The following DPP9 variants were observed in gnomAD, a reference collection of about 807,000 sequenced individuals.
The protein encoded by DPP9 is dipeptidyl peptidase 9.
A neutral mutation model predicts 110.7 loss-of-function variants in DPP9; 50 were observed. The observed-to-expected ratio is 0.45, with a 90% confidence interval of 0.36 to 0.57. The LOEUF is 0.57. Ranked by LOEUF, DPP9 falls within the 20% of genes least tolerant of loss-of-function variation. DPP9 has a pLI of 0.00. For missense variants in DPP9, 1,022 were observed against 1,217.9 expected (o/e 0.84, Z 2.39); for synonymous variants, 561 against 514.4 (o/e 1.09, Z -1.23).
intron 2 of DPP9, among the ~76,000 whole-genome samples, chr19:4,721,351 T>C (rs1371330422): frequency 6.6e-6 from 1 of 152,184 alleles, no homozygotes; most frequent in Non-Finnish European, 1.5e-5. Flanking sequence ...TCAACAAACA[T>C]TTCAGGTTGA....
At chr19:4,719,482 T>G in intron 3 of DPP9, 1 of 278,380 alleles carries the variant, frequency 3.6e-6, no homozygotes, top group South Asian at 5.4e-5. Context: ...AGATCAGCAG[T>G]TCTTACCCAG....
At chr19:4,708,287 T>A (rs946534409) in intron 4 of DPP9, among the ~76,000 whole-genome samples, 2 of 152,212 alleles carry the variant, frequency 1.3e-5, no homozygotes, top group Admixed American at 1.3e-4. Flanking sequence ...GCCTTTTCTC[T>A]GATGCCCATT....
At chr19:4,680,592 G>A (rs1260230629) in intron 20 of DPP9, among the ~76,000 whole-genome samples, 2 of 149,916 alleles carry the variant, frequency 1.3e-5, no homozygotes, top group Non-Finnish European at 3.0e-5. Flanking sequence ...GCACACCTGT[G>A]GTCCCAGCTG....
rs142941937 is a variant in DPP9 at position 4,679,563 on chromosome 19, GC to G, written c.2586+271del. 6.7e-3 allele frequency: 3,201 copies of G among 477,712 alleles called. 78 individuals carry two copies. Among genetic ancestry groups the G allele is most frequent in the African/African-American group, 0.057 (2,901 of 51,166 alleles). 29.6% of individuals were successfully genotyped at this position (477,712 alleles called of 1,614,324 possible). A position where few individuals can be genotyped will look rare whatever the true frequency, so the allele number is the denominator to read the frequency against. On this transcript the variant is annotated intron_variant, in intron 21 of 21. Coordinates refer to ENST00000262960, the MANE Select transcript of DPP9 (RefSeq NM_139159.5). ...CGGTAAGGGTTCCTCCCTCCATTAG[GC>G]CCGGAGCAGGGGTGGGTGTGGCAGC...
chr19:4,712,041 C>G (rs1344545920), intron 4 of DPP9, among the ~76,000 whole-genome samples: 1 of 152,144 alleles, frequency 6.6e-6, no homozygotes, highest in Non-Finnish European at 1.5e-5. Flanking sequence ...ATGGCAGCCA[C>G]AGAAAACTCC....
chr19:4,685,023 G>A lies in DPP9; in HGVS notation c.2032-214C>T, dbSNP rs1474843479. On this transcript the variant is annotated intron_variant, in intron 17 of 21. Transcript: ENST00000262960. The surrounding 1 kb of genome is among the most constrained non-coding windows in gnomAD (Gnocchi z 5.8). ...CTGCTAGGGAGGGGGAAGGGCCACT[G>A]TCAGGCTCTTTCTCAGCTGGGCCAC... 1 of 694,074 alleles carries A rather than the reference G, an allele frequency of 1.4e-6. No homozygotes were observed. The highest frequency in any genetic ancestry group is 2.6e-6 in the Non-Finnish European group (1 of 383,072). 43.0% of individuals were successfully genotyped at this position (694,074 alleles called of 1,614,324 possible). A position where few individuals can be genotyped will look rare whatever the true frequency, so the allele number is the denominator to read the frequency against.
intron 5 of DPP9, among the ~76,000 whole-genome samples, chr19:4,705,440 T>C (rs945417454): frequency 6.6e-6 from 1 of 152,216 alleles, no homozygotes; most frequent in Non-Finnish European, 1.5e-5. Flanking sequence ...CAGTCTGGTC[T>C]CAAATTCTTG....
chr19:4,701,987 A>G, intron 9 of DPP9, 40 bp downstream of exon 9: 1 of 1,599,184 alleles, frequency 6.3e-7, no homozygotes, highest in Non-Finnish European at 8.5e-7. Flanking sequence ...CAGGGGCCTC[A>G]GATCCCCGGC....
Position 4,677,462 on chromosome 19 carries a change from C to T in DPP9, c.2587-806G>A, listed in dbSNP as rs116854925. ...AGATGGGTTTCTGAATCATCCCCTC[C>T]TCTCCAGGCTCCTGGTCCCCACTGT... On this transcript the variant is annotated intron_variant, in intron 21 of 21. Coordinates refer to ENST00000262960, the MANE Select transcript of DPP9 (RefSeq NM_139159.5). Among the ~76,000 whole-genome samples, 98 of 152,312 alleles carry T rather than the reference C, an allele frequency of 6.4e-4. 1 individual carries two copies. The highest frequency in any genetic ancestry group is 9.7e-4 in the Non-Finnish European group (66 of 68,014).
chr19:4,694,613 C>T lies in DPP9; in HGVS notation c.1516+48G>A. On this transcript the variant is annotated intron_variant, in intron 13 of 21. Transcript: ENST00000262960. This position sits in a 1 kb window ranked among gnomAD's most constrained non-coding sequence, Gnocchi z 4.0. ...AATGAACAAACAGCATATTGAACCA[C>T]ACGTGACTAACGCGATGAGTCGACA... 6.3e-7 allele frequency: 1 copy of T among 1,579,888 alleles called. No individual in the cohort carries two copies.
rs1458970622 is a variant in DPP9, at chr19:4,710,647, A to C, written c.313+3434T>G. On this transcript the variant is annotated intron_variant, in intron 4 of 21. Transcript: ENST00000262960. The surrounding 1 kb of genome is among the most constrained non-coding windows in gnomAD (Gnocchi z 5.6). ...CTGAGGGGACAGGTCCCATGCTTTGAGCAGCAGGCCAGGCCTGGCCTTGAA... is the reference window on the plus strand; with the variant it reads ...CTGAGGGGACAGGTCCCATGCTTTGCGCAGCAGGCCAGGCCTGGCCTTGAA... 6.6e-6 allele frequency among the ~76,000 whole-genome samples: 1 copy of C among 152,136 alleles called. No individual in the cohort carries two copies. The highest frequency in any genetic ancestry group is 1.5e-5 in the Non-Finnish European group (1 of 68,004).
rs770774027 is a variant in DPP9, at chr19:4,700,966, T to C, written c.1013-689A>G. ...TCATACGAGGGGGAAAAGACTGACT[T>C]AGCTCATTTGCAGTGGGAGTTGGAA... On this transcript the variant is annotated intron_variant, in intron 9 of 21. Transcript: ENST00000262960. The surrounding 1 kb of genome is among the most constrained non-coding windows in gnomAD (Gnocchi z 4.3). Among the ~76,000 whole-genome samples, 11 of 152,166 alleles carry C rather than the reference T, an allele frequency of 7.2e-5. No individual in the cohort carries two copies. Among genetic ancestry groups the C allele is most frequent in the Non-Finnish European group, 1.0e-4 (7 of 68,026 alleles).
rs749804022 is a variant in DPP9 at position 4,683,457 on chromosome 19, C to T, written c.2331+20G>A. ...GGGCAGGGAGGGGCGTGGCTGAGGCCGGCCAGGGGTGGGACCCACCTTGAA... is the reference window on the plus strand; with the variant it reads ...GGGCAGGGAGGGGCGTGGCTGAGGCTGGCCAGGGGTGGGACCCACCTTGAA... On this transcript the variant is annotated intron_variant, in intron 19 of 21. Transcript: ENST00000262960. 8.7e-6 allele frequency: 14 copies of T among 1,611,976 alleles called. No homozygotes were observed. In the South Asian group the frequency reaches 8.8e-5, roughly 10 times the overall value.
intron 10 of DPP9, among the ~76,000 whole-genome samples, 198 bp from the exon 11 acceptor site, chr19:4,697,849 T>C (rs2091930440): frequency 6.6e-6 from 1 of 152,038 alleles, no homozygotes; most frequent in African/African-American, 2.4e-5. Flanking sequence ...GTTGTGTGGA[T>C]GAGGGTGGGC....
chr19:4,723,100 GA>G (rs2093394162), intron 1 of DPP9, among the ~76,000 whole-genome samples: 1 of 152,198 alleles, frequency 6.6e-6, no homozygotes, highest in Non-Finnish European at 1.5e-5. Flanking sequence ...GCCTCGGCAG[GA>G]AAAAGAGTCT....
intron 21 of DPP9, among the ~76,000 whole-genome samples, chr19:4,677,258 T>C (rs889001109): frequency 2.0e-5 from 3 of 152,170 alleles, no homozygotes; most frequent in Admixed American, 6.5e-5. Context: ...ATGCAGGTCC[T>C]GCCTCTGGCC....
rs374165392 is a variant in DPP9, at chr19:4,714,152, G to A, written c.242C>T (p.Ala81Val). ...RKYSGLIVNK[A>V]PHDFQFVQKT... ...CTGCACAAACTGGAAGTCGTGGGGC[G>A]CCTTGTTGACAATGAGGCCCGAGTA... Residue 81 changes from alanine to valine, a missense_variant, in exon 4 of 22, where the codon GCG becomes GTG. This residue lies in a region of DPP9 where 810 missense variants were observed against 920.6 expected (regional missense o/e 0.88). Transcript: ENST00000262960. 50 of 1,613,066 alleles carry A rather than the reference G, an allele frequency of 3.1e-5. 1 individual carries two copies. The highest frequency in any genetic ancestry group is 1.1e-4 in the African/African-American group (8 of 74,892).
intron 18 of DPP9, chr19:4,683,923 C>T: frequency 9.4e-7 from 1 of 1,067,028 alleles, no homozygotes; most frequent in African/African-American, 1.6e-5. Flanking sequence ...GGAAGAGGAC[C>T]CATTTTCTAG....
chr19:4,720,814 T>C (rs1404256436), intron 2 of DPP9, among the ~76,000 whole-genome samples: 1 of 152,176 alleles, frequency 6.6e-6, no homozygotes, highest in African/African-American at 2.4e-5. Flanking sequence ...CATCCATTAC[T>C]TGGGGAGAAA....
Sources: gnomAD v4.1 joint callset for allele counts (sites outside exome capture counted in the v4.1 genomes callset) on GRCh38, gnomAD v4.1.1 for gene constraint, gnomAD v4.1.1 regional missense constraint, Gnocchi (gnomAD v3.1) non-coding constraint, MANE v1.5 for transcripts, NCBI Gene and HGNC (gene_info 2026-07-23, HGNC 2026-07-21) for gene names.